Variants in ZNF793 observed in about 807,000 individuals in gnomAD.
ZNF793 encodes the protein zinc finger protein 793.
ZNF793 carries 5 observed loss-of-function variants against 12.4 expected under a neutral mutation model. The observed-to-expected ratio is 0.40, with a 90% CI of 0.21 to 0.84. ZNF793 has a LOEUF of 0.84. Ranked by LOEUF, ZNF793 falls within the 40% of genes least tolerant of loss-of-function variation. The probability of loss-of-function intolerance (pLI) is 0.35; values close to 1 mark genes in which losing one functional copy is unlikely to be tolerated. For synonymous variants in ZNF793, 162 were observed against 172.4 expected, an observed-to-expected ratio of 0.94 and a Z score of 0.47; for missense variants, 456 against 495.0, an observed-to-expected ratio of 0.92 and a Z score of 0.75.
chr19:37,537,924 T>G lies in ZNF793; in HGVS notation c.*45T>G. The G allele has an allele frequency of 2.0e-6, 3 of 1,464,846 alleles. No homozygotes were observed. Among genetic ancestry groups the G allele is most frequent in the Non-Finnish European group, 2.7e-6 (3 of 1,110,022 alleles). The allele number at this position is 1,464,846 out of a possible 1,614,324, so 90.7% of individuals were successfully genotyped here. A position where few individuals can be genotyped will look rare whatever the true frequency, so the allele number is the denominator to read the frequency against. On this transcript the variant is annotated 3_prime_UTR_variant, in exon 8 of 8. Coordinates refer to ENST00000627814, the MANE Select transcript of ZNF793 (RefSeq NM_001013659.3). ...GGTATGTAGGGAATTTTTTTTTTTT[T>G]TTTTTGAGTTGGAATCTCACTTTGT...
Position 37,536,476 on chromosome 19 carries a change from CTG to C in ZNF793, c.239-418_239-417del, listed in dbSNP as rs537945713. On this transcript the variant is annotated intron_variant, in intron 7 of 7. Coordinates refer to ENST00000627814, the MANE Select transcript of ZNF793 (RefSeq NM_001013659.3). ...TTCTTCTGTAACAGGGATCAGCAAA[CTG>C]TGGCCTACCGATTGGCCACCTGCTT... 6.7e-5 allele frequency: 27 copies of C among 405,342 alleles called. 1 individual carries two copies. The South Asian group carries it at 2.2e-3, about 34-fold the overall frequency. 25.1% of individuals were successfully genotyped at this position (405,342 alleles called of 1,614,324 possible).
At chr19:37,533,870 C>T in intron 7 of ZNF793, 1 of 249,030 alleles carries the variant, frequency 4.0e-6, no homozygotes. Context: ...GAGCTGGGCC[C>T]ATCTTAACCA....
chr19:37,522,922 C>G (rs1351717737), intron 4 of ZNF793, among the ~76,000 whole-genome samples: 1 of 152,168 alleles, frequency 6.6e-6, no homozygotes, highest in Admixed American at 6.5e-5. Context: ...CATTTAGATA[C>G]TATGGCAACC....
intron 2 of ZNF793, among the ~76,000 whole-genome samples, chr19:37,517,523 T>C (rs2042342308): frequency 6.6e-6 from 1 of 151,660 alleles, no homozygotes; most frequent in Admixed American, 6.6e-5. Context: ...CAAATCTGTC[T>C]CTGAGAGGCA....
chr19:37,520,084 GTC>G (rs1230104162), intron 2 of ZNF793, 98 bp from the exon 3 acceptor site: 1 of 152,438 alleles, frequency 6.6e-6, no homozygotes, highest in Non-Finnish European at 1.5e-5. Context: ...TCACTCAGCT[GTC>G]TCCTGCACAG....
Position 37,540,248 on chromosome 19 carries a change from CAA to C in ZNF793, c.*2370_*2371del, listed in dbSNP as rs2042542742. Reference sequence around the variant, plus strand: ...AGATCGTGCCATCCAGCCTGGGTGACAAGAGCGAAACTCCGTCAAAAAAAAAA... The same window carrying C: ...AGATCGTGCCATCCAGCCTGGGTGACGAGCGAAACTCCGTCAAAAAAAAAA... On this transcript the variant is annotated 3_prime_UTR_variant, in exon 8 of 8. Transcript: ENST00000627814. 1.2e-5 allele frequency: 1 copy of C among 80,246 alleles called. No homozygotes were observed. Among genetic ancestry groups the C allele is most frequent in the Admixed American group, 1.9e-4 (1 of 5,134 alleles). 5.0% of individuals were successfully genotyped at this position (80,246 alleles called of 1,614,324 possible). A position where few individuals can be genotyped will look rare whatever the true frequency, so the allele number is the denominator to read the frequency against.
chr19:37,531,974 C>T (rs919012502), intron 5 of ZNF793, among the ~76,000 whole-genome samples: 2 of 151,846 alleles, frequency 1.3e-5, no homozygotes, highest in Non-Finnish European at 1.5e-5. Context: ...TAAGCTCTAA[C>T]TTATAAACAT....
rs142977233 is a variant in ZNF793, at chr19:37,532,136, C to T, written c.16-220C>T. 3.0e-3 allele frequency among the ~76,000 whole-genome samples: 452 copies of T among 152,020 alleles called. 2 individuals are homozygous for T. Among genetic ancestry groups the T allele is most frequent in the Non-Finnish European group, 4.8e-3 (327 of 67,994 alleles). On this transcript the variant is annotated intron_variant, in intron 5 of 7. Transcript: ENST00000627814. ...TCAAGTGATTCTCCCACCTCAGCCT[C>T]CCAAGTAGCTGAGATTACAAGTGTG... is the stretch of plus-strand genomic sequence containing the variant.
intron 2 of ZNF793, among the ~76,000 whole-genome samples, chr19:37,516,678 GCT>G (rs1173392081): frequency 6.6e-6 from 1 of 150,390 alleles, no homozygotes; most frequent in Admixed American, 6.6e-5. Context: ...TTTGATTCTT[GCT>G]CTGTCACCCA....
chr19:37,513,688 G>T (rs1016161289), intron 2 of ZNF793, among the ~76,000 whole-genome samples: 1 of 152,206 alleles, frequency 6.6e-6, no homozygotes, highest in African/African-American at 2.4e-5. Context: ...TTTCAGAAAC[G>T]TGGTAAAACT....
At chr19:37,515,307 CTTTTTTCTTTTT>C (rs1156542361) in intron 2 of ZNF793, among the ~76,000 whole-genome samples, 1 of 151,402 alleles carries the variant, frequency 6.6e-6, no homozygotes, top group Non-Finnish European at 1.5e-5. Context: ...TTCTTTTTTT[CTTTTTTCTTTTT>C]TTTTTTGAGA....
At chr19:37,508,762 T>G (rs1004075570) in intron 2 of ZNF793, among the ~76,000 whole-genome samples, 3 of 152,238 alleles carry the variant, frequency 2.0e-5, no homozygotes, top group Non-Finnish European at 2.9e-5. Context: ...ATGTAAAAGA[T>G]TTGGCTGAAA....
At chr19:37,526,129 G>A (rs912879428) in intron 5 of ZNF793, among the ~76,000 whole-genome samples, 17 of 151,958 alleles carry the variant, frequency 1.1e-4, no homozygotes, top group South Asian at 4.2e-4. Flanking sequence ...TCACCATGCC[G>A]TGCTAATTTT....
intron 6 of ZNF793, 113 bp downstream of exon 6, chr19:37,532,595 G>C: frequency 8.1e-7 from 1 of 1,241,800 alleles, no homozygotes. Flanking sequence ...TGGATCACCT[G>C]AGGTCAGGAG....
chr19:37,522,228 G>A (rs1003252676), intron 3 of ZNF793, among the ~76,000 whole-genome samples: 3 of 151,916 alleles, frequency 2.0e-5, no homozygotes, highest in African/African-American at 4.8e-5. Flanking sequence ...ACCAAGTCTC[G>A]CTCTTGTCAC....
intron 7 of ZNF793, chr19:37,535,557 C>T (rs946553574): frequency 6.6e-6 from 1 of 151,520 alleles, no homozygotes; most frequent in Non-Finnish European, 1.5e-5. Flanking sequence ...TGGAGTTTCA[C>T]TCTGTCGCCC....
At position 37,520,937 on chromosome 19, in the gene ZNF793, G is replaced by A. The variant is rs544776322; in HGVS notation, c.-147+625G>A. Among the ~76,000 whole-genome samples the A allele has an allele frequency of 2.6e-5, 4 of 151,928 alleles. No individual in the cohort carries two copies. The South Asian group carries it at 8.3e-4, about 32-fold the overall frequency. ...AGTTTCACTCTTGCCACCCAGGCTG[G>A]AGTACAATGGCAGAATCTCAGAATT... On this transcript the variant is annotated intron_variant, in intron 3 of 7. Transcript: ENST00000627814.
chr19:37,532,081 T>C (rs1398109636), intron 5 of ZNF793, among the ~76,000 whole-genome samples: 5 of 151,348 alleles, frequency 3.3e-5, no homozygotes, highest in African/African-American at 1.2e-4. Flanking sequence ...TGGTGCGATC[T>C]CGGCTCACTG....
chr19:37,529,250 C>T (rs1437318025), intron 5 of ZNF793, among the ~76,000 whole-genome samples: 1 of 152,138 alleles, frequency 6.6e-6, no homozygotes, highest in African/African-American at 2.4e-5. Flanking sequence ...ATTATCACAC[C>T]ATGCAGAATG....
Sources: allele counts gnomAD v4.1 joint callset (sites outside exome capture counted in the v4.1 genomes callset), GRCh38; gene constraint gnomAD v4.1.1; transcripts MANE v1.5; gene names NCBI Gene and HGNC (gene_info 2026-07-23, HGNC 2026-07-21).